Variants in RBFOX1 observed in about 807,000 individuals in gnomAD.
RBFOX1 encodes the protein RNA binding protein fox-1 homolog 1.
In RBFOX1, 8 loss-of-function variants were observed where a neutral mutation model predicts 57.7. The observed-to-expected ratio is 0.14, with a 90% CI of 0.08 to 0.25. The LOEUF (loss-of-function observed/expected upper bound fraction) is 0.25. Ranked by LOEUF, RBFOX1 falls within the 10% of genes least tolerant of loss-of-function variation. The pLI, the probability that RBFOX1 is intolerant of heterozygous loss-of-function variation, is 1.00. For missense variants in RBFOX1, 611 were observed against 548.5 expected (o/e 1.11, Z -1.14); for synonymous variants, 326 against 222.4 (o/e 1.47, Z -4.15).
intron 4 of RBFOX1, among the ~76,000 whole-genome samples, chr16:7,216,243 ATTAG>A (rs1304618188): frequency 1.3e-5 from 2 of 152,182 alleles, no homozygotes; most frequent in Non-Finnish European, 2.9e-5. Context: ...CTATCTGCAT[ATTAG>A]TTAAGAACAT....
intron 1 of RBFOX1, among the ~76,000 whole-genome samples, chr16:5,273,410 G>T (rs2151129344): frequency 6.6e-6 from 1 of 152,216 alleles, no homozygotes; most frequent in Non-Finnish European, 1.5e-5. Flanking sequence ...ATGGCACTTG[G>T]AAAAGAGAGT....
chr16:7,348,996 G>T (rs545832289), intron 4 of RBFOX1, among the ~76,000 whole-genome samples: 1 of 152,238 alleles, frequency 6.6e-6, no homozygotes, highest in East Asian at 1.9e-4. Flanking sequence ...AGTCAACCGG[G>T]TGAGTAGGAG....
At position 6,977,937 on chromosome 16, in the gene RBFOX1, G is replaced by GA. The variant is rs1555705863; in HGVS notation, c.-15-74106dup. Among the ~76,000 whole-genome samples the GA allele has an allele frequency of 9.9e-4, 79 of 79,456 alleles. 2 individuals are homozygous for GA. The highest frequency in any genetic ancestry group is 1.7e-3 in the African/African-American group (41 of 23,714). 52.1% of individuals were successfully genotyped at this position (79,456 alleles called of 152,430 possible). On this transcript the variant is annotated intron_variant, in intron 3 of 15. Transcript: ENST00000550418. ...AACTGCCTCTTCCAGCCTCCCCAGG[G>GA]AAAAAAAAAAAAAAGGCAAACCTCC...
intron 3 of RBFOX1, among the ~76,000 whole-genome samples, chr16:6,976,949 A>G (rs2087085938): frequency 6.8e-6 from 1 of 147,220 alleles, no homozygotes; most frequent in African/African-American, 2.5e-5. Context: ...TATACTATAT[A>G]TCATATATAT....
chr16:6,611,640 T>G (rs979940163), intron 2 of RBFOX1, among the ~76,000 whole-genome samples: 2 of 152,234 alleles, frequency 1.3e-5, no homozygotes, highest in African/African-American at 4.8e-5. Flanking sequence ...CTCAGAGCTT[T>G]CTTTCTCCTT....
At chr16:5,618,801 T>C (rs2151275366) in intron 3 of RBFOX1, among the ~76,000 whole-genome samples, 1 of 152,330 alleles carries the variant, frequency 6.6e-6, no homozygotes, top group East Asian at 1.9e-4. Flanking sequence ...TTGCTTTTAC[T>C]TAAAAGCGTT....
intron 4 of RBFOX1, among the ~76,000 whole-genome samples, chr16:5,936,915 C>T (rs1415063127): frequency 1.3e-5 from 2 of 152,172 alleles, no homozygotes; most frequent in Admixed American, 6.5e-5. Flanking sequence ...GGCTTACCTT[C>T]ATCTCAAGGG....
chr16:7,017,075 G>A (rs971547950), intron 3 of RBFOX1, among the ~76,000 whole-genome samples: 1 of 151,988 alleles, frequency 6.6e-6, no homozygotes, highest in African/African-American at 2.4e-5. Context: ...ATGTTGCTGT[G>A]AGCAGAACTC....
At chr16:6,522,641 G>A (rs906371481) in intron 2 of RBFOX1, among the ~76,000 whole-genome samples, 2 of 152,152 alleles carry the variant, frequency 1.3e-5, no homozygotes, top group Non-Finnish European at 2.9e-5. Flanking sequence ...TTGGCATTCA[G>A]TACCGGGGTT....
At position 6,745,790 on chromosome 16, in the gene RBFOX1, T is replaced by C. The variant is rs907632379; in HGVS notation, c.-16+91140T>C. 1.1e-4 allele frequency among the ~76,000 whole-genome samples: 17 copies of C among 152,090 alleles called. 1 individual carries two copies. The highest frequency in any genetic ancestry group is 1.1e-3 in the Admixed American group (17 of 15,266). On this transcript the variant is annotated intron_variant, in intron 3 of 15. Transcript: ENST00000550418. ...TTCGCAGTATTTTAGCCAGTGATAA[T>C]GAGCAAGAAAAGGAGGTAAAAGGCA...
At chr16:7,058,366 C>T (rs1466115088) in intron 4 of RBFOX1, among the ~76,000 whole-genome samples, 3 of 152,038 alleles carry the variant, frequency 2.0e-5, no homozygotes, top group African/African-American at 4.8e-5. Context: ...TGAGAGCCTC[C>T]AGCCCCAGAG....
intron 1 of RBFOX1, among the ~76,000 whole-genome samples, chr16:6,074,627 C>T (rs966198629): frequency 3.3e-5 from 5 of 152,040 alleles, no homozygotes; most frequent in South Asian, 2.1e-4. Flanking sequence ...CAATTCTGAA[C>T]GCAACAACCA....
intron 1 of RBFOX1, among the ~76,000 whole-genome samples, chr16:5,264,439 A>T (rs1279697881): frequency 6.6e-6 from 1 of 152,206 alleles, no homozygotes; most frequent in Admixed American, 6.5e-5. Context: ...GACCGTCTGT[A>T]TAAAATGTTC....
At chr16:5,895,623 A>C (rs999028408) in intron 4 of RBFOX1, among the ~76,000 whole-genome samples, 1 of 152,208 alleles carries the variant, frequency 6.6e-6, no homozygotes, top group African/African-American at 2.4e-5. Flanking sequence ...AAGCTGGTTT[A>C]CATTTCTGCC....
chr16:5,266,751 G>T (rs1596341150), intron 1 of RBFOX1, among the ~76,000 whole-genome samples: 2 of 151,640 alleles, frequency 1.3e-5, no homozygotes, highest in Non-Finnish European at 2.9e-5. Context: ...GAGAGGGGGG[G>T]TCTCACTATA....
At chr16:6,783,878 T>G (rs1358080822) in intron 3 of RBFOX1, among the ~76,000 whole-genome samples, 2 of 152,184 alleles carry the variant, frequency 1.3e-5, no homozygotes, top group African/African-American at 2.4e-5. Flanking sequence ...AAGTCTTTAC[T>G]TCTCCACGTT....
At chr16:5,523,928 A>C (rs2044128644) in intron 2 of RBFOX1, among the ~76,000 whole-genome samples, 1 of 152,134 alleles carries the variant, frequency 6.6e-6, no homozygotes, top group Admixed American at 6.6e-5. Flanking sequence ...CAGAAGGTTA[A>C]GCGCCCCTCC....
intron 1 of RBFOX1, among the ~76,000 whole-genome samples, chr16:5,446,664 A>G (rs1597099456): frequency 6.6e-6 from 1 of 151,946 alleles, no homozygotes; most frequent in Non-Finnish European, 1.5e-5. Flanking sequence ...GTGAGAGGGG[A>G]TCGCTGTGAT....
intron 1 of RBFOX1, among the ~76,000 whole-genome samples, chr16:6,245,914 C>T (rs1441792307): frequency 1.3e-5 from 2 of 152,188 alleles, no homozygotes; most frequent in Non-Finnish European, 2.9e-5. Context: ...TTATTCATAG[C>T]TTTAAGCTCT....
Sources: allele counts gnomAD v4.1 joint callset (sites outside exome capture counted in the v4.1 genomes callset), GRCh38; gene constraint gnomAD v4.1.1; transcripts MANE v1.5; gene names NCBI Gene and HGNC (gene_info 2026-07-23, HGNC 2026-07-21).